The following CHN1 variants were observed in gnomAD, a reference collection of about 807,000 sequenced individuals.
CHN1 encodes the protein chimerin 1.
Under a neutral mutation model 59.5 loss-of-function variants are expected in CHN1, and 37 were observed. That is an observed-to-expected ratio of 0.62 (90% confidence interval 0.48 to 0.82). CHN1 has a LOEUF of 0.82. CHN1 is among the 40% of genes least tolerant of loss of function. The pLI, the probability that CHN1 is intolerant of heterozygous loss-of-function variation, is 0.00. For synonymous variants in CHN1, 206 were observed against 200.4 expected, an observed-to-expected ratio of 1.03 and a Z score of -0.24; for missense variants, 469 against 571.0, an observed-to-expected ratio of 0.82 and a Z score of 1.82.
At chr2:174,856,436 T>C (rs990623322) in intron 6 of CHN1, among the ~76,000 whole-genome samples, 1 of 152,228 alleles carries the variant, frequency 6.6e-6, no homozygotes, top group African/African-American at 2.4e-5. Context: ...CCAAATGTTG[T>C]ATACTCTGAC....
chr2:174,888,413 G>A (rs186972407), intron 5 of CHN1, among the ~76,000 whole-genome samples: 6 of 152,250 alleles, frequency 3.9e-5, no homozygotes, highest in East Asian at 3.9e-4. Flanking sequence ...ATAAGGCGGC[G>A]ATTGTAGCCT....
rs1488594270 is a variant in CHN1 at position 174,800,217 on chromosome 2, T to C, written c.1279A>G (p.Met427Val). ...NLGIVFGPTL[M>V]RSPELDAMAA... The stretch of plus-strand genomic sequence containing the variant: ...ATGGCGTCTAGTTCTGGAGATCTCA[T>C]AAGGGTGGGTCCAAAGACGATTCCA... The change falls in exon 13 of 13, where the codon ATG becomes GTG. Residue 427 changes from methionine (M) to valine (V), a missense_variant. Around this residue, in one of 5 missense-constraint regions of CHN1, gnomAD observed 225 missense variants for 289.9 expected, o/e 0.78. Coordinates refer to ENST00000409900, the MANE Select transcript of CHN1 (RefSeq NM_001822.7). The C allele has an allele frequency of 1.3e-6, 2 of 1,513,526 alleles. No individual in the cohort carries two copies. The highest frequency in any genetic ancestry group is 1.4e-5 in the African/African-American group (1 of 71,694). The allele number at this position is 1,513,526 out of a possible 1,614,324, so 93.8% of individuals were successfully genotyped here.
intron 1 of CHN1, among the ~76,000 whole-genome samples, chr2:175,004,593 C>G (rs746238590): frequency 8.5e-5 from 13 of 152,222 alleles, no homozygotes; most frequent in Non-Finnish European, 1.2e-4. Context: ...CAGTTAACTT[C>G]ACTCCCAAGT....
intron 11 of CHN1, among the ~76,000 whole-genome samples, chr2:174,805,110 C>A (rs1262351684): frequency 6.6e-6 from 1 of 152,054 alleles, no homozygotes; most frequent in East Asian, 1.9e-4. Context: ...GTCAAATATA[C>A]AAAATACACA....
chr2:174,812,004 A>G, intron 9 of CHN1: 1 of 278,278 alleles, frequency 3.6e-6, no homozygotes, highest in Non-Finnish European at 6.6e-6. Flanking sequence ...TTTGAACCAA[A>G]GAAAAATTTA....
At chr2:174,863,535 CAT>C (rs1271580596) in intron 6 of CHN1, among the ~76,000 whole-genome samples, 2 of 152,012 alleles carry the variant, frequency 1.3e-5, no homozygotes, top group Non-Finnish European at 2.9e-5. Flanking sequence ...ATATTGTTAA[CAT>C]GTAATTTTTA....
At chr2:174,819,028 C>T (rs1292210044) in intron 8 of CHN1, among the ~76,000 whole-genome samples, 1 of 151,768 alleles carries the variant, frequency 6.6e-6, no homozygotes, top group Non-Finnish European at 1.5e-5. Flanking sequence ...TTTTTTCCCC[C>T]AGGAAAGTGG....
At chr2:174,808,810 T>A in intron 11 of CHN1, 95 bp downstream of exon 11, 1 of 1,345,812 alleles carries the variant, frequency 7.4e-7, no homozygotes, top group Non-Finnish European at 1.1e-6. Context: ...AGGGGAAACA[T>A]TTCATAAAAT....
chr2:175,000,927 G>A (rs1691870525), intron 1 of CHN1, among the ~76,000 whole-genome samples: 1 of 152,148 alleles, frequency 6.6e-6, no homozygotes, highest in African/African-American at 2.4e-5. Flanking sequence ...CTCTTTTAGA[G>A]ACAGGGTCTT....
intron 8 of CHN1, among the ~76,000 whole-genome samples, chr2:174,815,656 G>C (rs1427748206): frequency 1.4e-5 from 2 of 147,874 alleles, no homozygotes; most frequent in Non-Finnish European, 3.0e-5. Context: ...TTTTATGATA[G>C]CTGCTTTTCT....
At chr2:174,832,544 T>C (rs920786598) in intron 7 of CHN1, among the ~76,000 whole-genome samples, 13 of 152,128 alleles carry the variant, frequency 8.5e-5, no homozygotes, top group African/African-American at 3.1e-4. Context: ...TTCTAATGTA[T>C]CTTGTGATTT....
At chr2:174,838,801 G>A (rs1390750338) in intron 7 of CHN1, among the ~76,000 whole-genome samples, 1 of 151,988 alleles carries the variant, frequency 6.6e-6, no homozygotes, top group African/African-American at 2.4e-5. Context: ...GATCACCTGA[G>A]GTCAGGAGTT....
intron 3 of CHN1, among the ~76,000 whole-genome samples, chr2:174,922,323 T>A (rs948189240): frequency 5.3e-5 from 8 of 152,214 alleles, no homozygotes; most frequent in African/African-American, 1.7e-4. Context: ...TTACTCTAAA[T>A]GAAGATATAC....
intron 3 of CHN1, among the ~76,000 whole-genome samples, chr2:174,922,868 A>G (rs1689053647): frequency 6.6e-6 from 1 of 152,220 alleles, no homozygotes; most frequent in African/African-American, 2.4e-5. Flanking sequence ...GATTGAATAC[A>G]AATATAAATT....
chr2:174,969,850 A>G (rs1194583125), intron 1 of CHN1, among the ~76,000 whole-genome samples: 1 of 152,158 alleles, frequency 6.6e-6, no homozygotes, highest in Non-Finnish European at 1.5e-5. Context: ...ACTGCCTAGA[A>G]CAGTAATTGT....
chr2:174,937,898 G>A (rs1689543643), intron 3 of CHN1, among the ~76,000 whole-genome samples: 1 of 152,078 alleles, frequency 6.6e-6, no homozygotes, highest in Non-Finnish European at 1.5e-5. Flanking sequence ...CTGGCACTGT[G>A]TTTCTTCTTG....
intron 5 of CHN1, among the ~76,000 whole-genome samples, chr2:174,903,499 T>C (rs1036089798): frequency 7.2e-5 from 11 of 152,168 alleles, no homozygotes; most frequent in Non-Finnish European, 1.0e-4. Flanking sequence ...TAGAAAGTAA[T>C]TGTGAATGGT....
chr2:174,804,326 G>C (rs1280391128), intron 11 of CHN1, among the ~76,000 whole-genome samples: 2 of 152,104 alleles, frequency 1.3e-5, no homozygotes, highest in East Asian at 3.9e-4. Context: ...GGGGATATTA[G>C]CAGGTGTGGT....
intron 3 of CHN1, among the ~76,000 whole-genome samples, chr2:174,941,550 CA>C (rs1370560673): frequency 1.3e-5 from 2 of 152,094 alleles, no homozygotes; most frequent in Non-Finnish European, 2.9e-5. Context: ...ATATTACAAA[CA>C]AAATAATTTC....
Sources: allele counts gnomAD v4.1 joint callset (sites outside exome capture counted in the v4.1 genomes callset), GRCh38; gene constraint gnomAD v4.1.1; regional missense constraint gnomAD v4.1.1; transcripts MANE v1.5; gene names NCBI Gene and HGNC (gene_info 2026-07-23, HGNC 2026-07-21).